Variants in DCC observed in about 807,000 individuals in gnomAD.
DCC encodes the protein DCC netrin 1 receptor, also known as netrin receptor DCC.
A neutral mutation model predicts 172.5 loss-of-function variants in DCC; 58 were observed. That is an observed-to-expected ratio of 0.34 (90% CI 0.27 to 0.42). The LOEUF (loss-of-function observed/expected upper bound fraction) is 0.42, where lower values mean the gene tolerates loss of function less well. DCC is among the 10% of genes least tolerant of loss of function. The pLI, the probability that DCC is intolerant of heterozygous loss-of-function variation, is 1.00. For synonymous variants in DCC, 709 were observed against 644.5 expected, an observed-to-expected ratio of 1.10 and a Z score of -1.52; for missense variants, 1,740 against 1,791.0, an observed-to-expected ratio of 0.97 and a Z score of 0.51.
At position 52,353,966 on chromosome 18, in the gene DCC, A is replaced by G. The variant is rs139689972; in HGVS notation, c.91+13088A>G. On this transcript the variant is annotated intron_variant, in intron 1 of 28. Coordinates refer to ENST00000442544, the MANE Select transcript of DCC (RefSeq NM_005215.4). ...GGGATGAACTGCCTCTCAGCGAAACATGCATTTTATAAACTATAGCTTAGG... is the reference window on the plus strand; with the variant it reads ...GGGATGAACTGCCTCTCAGCGAAACGTGCATTTTATAAACTATAGCTTAGG... Among the ~76,000 whole-genome samples, 765 of 152,318 alleles carry G rather than the reference A, an allele frequency of 5.0e-3. 6 individuals carry two copies. The highest frequency in any genetic ancestry group is 0.018 in the African/African-American group (731 of 41,552).
At chr18:52,524,899 T>A (rs1193587762) in intron 1 of DCC, among the ~76,000 whole-genome samples, 3 of 152,034 alleles carry the variant, frequency 2.0e-5, no homozygotes, top group African/African-American at 4.8e-5. Context: ...GATTTTTTTT[T>A]ATTTTTGGTC....
chr18:52,750,440 A>C (rs1264397280), intron 1 of DCC, among the ~76,000 whole-genome samples: 2 of 152,206 alleles, frequency 1.3e-5, no homozygotes, highest in Admixed American at 6.5e-5. Flanking sequence ...TGGGATCTTT[A>C]TCAATATCCA....
chr18:52,340,888 T>C lies in DCC; in HGVS notation c.91+10T>C, dbSNP rs779552858. ...CATCTTCAAGTAACCGGTAAGTGGC[T>C]CTTTCCTTTCTTCTCGTCGCACCCC... On this transcript the variant is annotated intron_variant, in intron 1 of 28. Coordinates refer to ENST00000442544, the MANE Select transcript of DCC (RefSeq NM_005215.4). 24 of 1,596,340 alleles carry C rather than the reference T, an allele frequency of 1.5e-5. No homozygotes were observed. In the East Asian group the frequency reaches 3.1e-4, roughly 21 times the overall value.
At chr18:53,364,848 GTGCACACA>G (rs2057985708) in intron 15 of DCC, among the ~76,000 whole-genome samples, 2 of 152,070 alleles carry the variant, frequency 1.3e-5, no homozygotes, top group South Asian at 2.1e-4. Flanking sequence ...ATGTGCACAT[GTGCACACA>G]TGCACACATA....
At chr18:53,132,262 T>G (rs1325836376) in intron 7 of DCC, among the ~76,000 whole-genome samples, 1 of 152,044 alleles carries the variant, frequency 6.6e-6, no homozygotes, top group African/African-American at 2.4e-5. Flanking sequence ...ATTTGCCAGT[T>G]TCTGTGATAC....
At chr18:52,807,748 T>C (rs2038115340) in intron 2 of DCC, among the ~76,000 whole-genome samples, 1 of 152,232 alleles carries the variant, frequency 6.6e-6, no homozygotes. Context: ...TTTTACCAAC[T>C]CTACTGCAAA....
rs184504504 is a variant in DCC at position 52,976,094 on chromosome 18, T to G, written c.985+50724T>G. ...TATATCATTGTTGTTTTGATTTCCA[T>G]TTCTCTAATGATCAGTGGTGAGCCT... On this transcript the variant is annotated intron_variant, in intron 5 of 28. Transcript: ENST00000442544. 3.9e-3 allele frequency among the ~76,000 whole-genome samples: 591 copies of G among 152,352 alleles called. 2 individuals are homozygous for G. The highest frequency in any genetic ancestry group is 6.0e-3 in the Non-Finnish European group (406 of 68,030).
chr18:52,839,646 T>C (rs753641832), intron 2 of DCC, among the ~76,000 whole-genome samples: 8 of 152,104 alleles, frequency 5.3e-5, no homozygotes, highest in Non-Finnish European at 2.9e-5. Context: ...GCAAAACAGG[T>C]TATGATTGCT....
chr18:52,621,044 A>C (rs950532505), intron 1 of DCC, among the ~76,000 whole-genome samples: 14 of 152,208 alleles, frequency 9.2e-5, no homozygotes, highest in African/African-American at 3.4e-4. Context: ...CTCTGGATGA[A>C]GGCTGCAGAG....
intron 24 of DCC, among the ~76,000 whole-genome samples, chr18:53,461,496 A>G (rs28378153): frequency 0.18 from 26,733 of 152,092 alleles, 2,713 homozygotes; most frequent in East Asian, 0.4. Flanking sequence ...AGCTTTCTAC[A>G]TATGGCTAGC....
At chr18:52,596,655 T>C (rs533148711) in intron 1 of DCC, among the ~76,000 whole-genome samples, 2 of 152,334 alleles carry the variant, frequency 1.3e-5, no homozygotes, top group African/African-American at 4.8e-5. Context: ...TAAAATGACC[T>C]GCTGAAAGAC....
intron 2 of DCC, among the ~76,000 whole-genome samples, chr18:52,864,727 C>T (rs904782264): frequency 5.3e-5 from 8 of 152,016 alleles, no homozygotes; most frequent in Non-Finnish European, 8.8e-5. Context: ...TGTTCCCCTC[C>T]GTGTGTCCAT....
At chr18:52,754,067 T>C (rs2037039551) in intron 2 of DCC, 5 of 152,136 alleles carry the variant, frequency 3.3e-5, no homozygotes, top group Admixed American at 3.3e-4. Context: ...TTGTTATGGG[T>C]TTTCTTTCCC....
chr18:53,013,715 AT>A (rs1166184598), intron 5 of DCC, among the ~76,000 whole-genome samples: 2 of 151,594 alleles, frequency 1.3e-5, no homozygotes, highest in Non-Finnish European at 2.9e-5. Context: ...AAAAAAAAAA[AT>A]CTGAGTCTAA....
chr18:52,390,704 T>C (rs1203934772), intron 1 of DCC, among the ~76,000 whole-genome samples: 1 of 152,172 alleles, frequency 6.6e-6, no homozygotes, highest in South Asian at 2.1e-4. Flanking sequence ...AGAGAAGAAA[T>C]GCAGCATCCT....
chr18:52,603,401 T>C (rs1157421635), intron 1 of DCC, among the ~76,000 whole-genome samples: 1 of 151,942 alleles, frequency 6.6e-6, no homozygotes, highest in African/African-American at 2.4e-5. Flanking sequence ...CTCTAAAATT[T>C]TGTAGATGTA....
At chr18:52,910,013 G>C (rs1371061985) in intron 3 of DCC, among the ~76,000 whole-genome samples, 1 of 152,106 alleles carries the variant, frequency 6.6e-6, no homozygotes, top group Non-Finnish European at 1.5e-5. Context: ...TATTCTGTTT[G>C]ACTGGCTCAT....
intron 1 of DCC, among the ~76,000 whole-genome samples, chr18:52,640,389 G>A (rs2034867318): frequency 1.3e-5 from 2 of 152,020 alleles, no homozygotes; most frequent in Admixed American, 1.3e-4. Context: ...GAAATGAAGG[G>A]CATCCAAATT....
intron 2 of DCC, among the ~76,000 whole-genome samples, chr18:52,901,348 G>A (rs939499361): frequency 6.6e-6 from 1 of 152,022 alleles, no homozygotes; most frequent in Non-Finnish European, 1.5e-5. Flanking sequence ...TAGGAGAATC[G>A]CTTGAACCAG....
Sources: allele counts gnomAD v4.1 joint callset (sites outside exome capture counted in the v4.1 genomes callset), GRCh38; gene constraint gnomAD v4.1.1; transcripts MANE v1.5; gene names NCBI Gene and HGNC (gene_info 2026-07-23, HGNC 2026-07-21).